TENM2: variants seen among roughly 807,000 people sequenced by gnomAD.
TENM2 encodes teneurin transmembrane protein 2, also known as teneurin-2.
Under a neutral mutation model 245.2 loss-of-function variants are expected in TENM2, and 52 were observed. The ratio of observed to expected loss-of-function variants is 0.21; its 90% CI spans 0.17 to 0.27. The LOEUF (loss-of-function observed/expected upper bound fraction) is 0.27. Ranked by LOEUF, TENM2 falls within the 10% of genes least tolerant of loss-of-function variation. TENM2 has a pLI of 1.00. For synonymous variants in TENM2, 1,363 were observed against 1,438.9 expected (o/e 0.95, Z 1.19); for missense variants, 3,046 against 3,666.8 (o/e 0.83, Z 4.37).
the TENM2 span, among the ~76,000 whole-genome samples, chr5:167,151,305 C>T: frequency 6.6e-6 from 1 of 151,926 alleles, no homozygotes; most frequent in South Asian, 2.1e-4. Flanking sequence ...TAGCAAGGTG[C>T]CCATTGAGTA....
At chr5:167,538,532 T>A (rs891164559) in intron 2 of TENM2, among the ~76,000 whole-genome samples, 5 of 152,226 alleles carry the variant, frequency 3.3e-5, no homozygotes, top group African/African-American at 9.6e-5. Flanking sequence ...AAGGGTAATG[T>A]CTGCCAGACT....
intron 15 of TENM2, among the ~76,000 whole-genome samples, chr5:168,195,776 G>C (rs1348225141): frequency 1.3e-5 from 2 of 151,894 alleles, no homozygotes; most frequent in South Asian, 2.1e-4. Flanking sequence ...TGTTGTTTTC[G>C]CTACTGTTTG....
chr5:168,103,220 G>A lies in TENM2; in HGVS notation c.1813+5093G>A, dbSNP rs141063330. On this transcript the variant is annotated intron_variant, in intron 9 of 28. Coordinates refer to ENST00000518659, the Ensembl canonical transcript of TENM2. ...CCCACTACAATTTTGTAAACATTTT[G>A]TATTGAAATCATTTGGGACTTGCAG... Among the ~76,000 whole-genome samples the A allele has an allele frequency of 4.5e-3, 682 of 152,270 alleles. 7 individuals carry two copies. The highest frequency in any genetic ancestry group is 0.016 in the African/African-American group (649 of 41,548).
intron 2 of TENM2, among the ~76,000 whole-genome samples, chr5:167,640,846 TATATATATATATCC>T (rs1252444898): frequency 1.4e-4 from 13 of 92,562 alleles, no homozygotes; most frequent in African/African-American, 2.1e-4. Flanking sequence ...TATATCCATA[TATATATATATATCC>T]ATATATATAT....
intron 2 of TENM2, among the ~76,000 whole-genome samples, chr5:167,513,880 C>T (rs1030887612): frequency 2.6e-5 from 4 of 152,148 alleles, no homozygotes; most frequent in African/African-American, 7.2e-5. Context: ...GACTAAGACC[C>T]CATTCTCCTG....
intron 7 of TENM2, among the ~76,000 whole-genome samples, chr5:168,073,178 C>T (rs1428678176): frequency 1.3e-5 from 2 of 152,190 alleles, no homozygotes; most frequent in Non-Finnish European, 2.9e-5. Context: ...TACCGTATGT[C>T]ATTTACATGA....
the TENM2 span, among the ~76,000 whole-genome samples, chr5:167,142,038 C>T: frequency 6.6e-6 from 1 of 151,996 alleles, no homozygotes; most frequent in African/African-American, 2.4e-5. Context: ...GGGGATGAAA[C>T]CATATTAACA....
the TENM2 span, among the ~76,000 whole-genome samples, chr5:167,030,260 G>A: frequency 2.6e-5 from 4 of 152,148 alleles, no homozygotes; most frequent in Non-Finnish European, 5.9e-5. Context: ...TTGATATGTG[G>A]AGTTTTTGTT....
At chr5:167,625,980 G>T (rs1025991344) in intron 2 of TENM2, among the ~76,000 whole-genome samples, 1 of 152,120 alleles carries the variant, frequency 6.6e-6, no homozygotes, top group Admixed American at 6.5e-5. Context: ...GAGAAAAGAA[G>T]AAGACATCTC....
intron 2 of TENM2, among the ~76,000 whole-genome samples, chr5:167,663,142 GA>G (rs1447791112): frequency 8.1e-4 from 15 of 18,502 alleles, no homozygotes; most frequent in East Asian, 7.4e-3. Flanking sequence ...TGGGGATGGG[GA>G]GAGAGAGAGA....
chr5:168,155,892 T>TAAAAAAAAAAAAAAAAAA (rs55977607), intron 12 of TENM2, among the ~76,000 whole-genome samples: 4 of 96,936 alleles, frequency 4.1e-5, no homozygotes, highest in African/African-American at 1.4e-4. Context: ...CTGGCATCTG[T>TAAAAAAAAAAAAAAAAAA]AAAAAAAAAA....
chr5:167,914,568 C>T (rs1207892895), intron 3 of TENM2, among the ~76,000 whole-genome samples: 1 of 152,196 alleles, frequency 6.6e-6, no homozygotes, highest in East Asian at 1.9e-4. Flanking sequence ...TTCATTCCCC[C>T]TGGCCATCTC....
intron 2 of TENM2, among the ~76,000 whole-genome samples, chr5:167,693,082 A>G (rs867557733): frequency 3.3e-5 from 5 of 152,350 alleles, no homozygotes; most frequent in Middle Eastern, 6.8e-3. Flanking sequence ...TTCATCTGTA[A>G]TTAGGAATGC....
In TENM2 at chr5:167,911,064, A is replaced by G. The variant is rs544181023; in HGVS notation, c.712+34869A>G. The stretch of plus-strand genomic sequence containing the variant: ...AGAAGATTTGATGTTTTTTTCAACT[A>G]CAACAATCTCAAGAATTAAGAGTAA... On this transcript the variant is annotated intron_variant, in intron 3 of 28. Coordinates refer to ENST00000518659, the Ensembl canonical transcript of TENM2. 5.3e-5 allele frequency among the ~76,000 whole-genome samples: 8 copies of G among 152,348 alleles called. No homozygotes were observed. The South Asian group carries it at 1.4e-3, about 28-fold the overall frequency.
intron 2 of TENM2, among the ~76,000 whole-genome samples, chr5:167,550,349 A>G (rs534179574): frequency 6.4e-4 from 98 of 152,308 alleles, no homozygotes; most frequent in Non-Finnish European, 1.1e-3. Context: ...GCTGATTTAC[A>G]TTAGTGCCAG....
chr5:168,065,260 G>T (rs1416020735), intron 7 of TENM2, among the ~76,000 whole-genome samples: 1 of 152,154 alleles, frequency 6.6e-6, no homozygotes, highest in Non-Finnish European at 1.5e-5. Context: ...TTACATACCT[G>T]CTTAAATTTC....
At chr5:167,840,101 G>A (rs1200662057) in intron 2 of TENM2, among the ~76,000 whole-genome samples, 13 of 152,196 alleles carry the variant, frequency 8.5e-5, no homozygotes, top group African/African-American at 2.4e-4. Flanking sequence ...GATTACAGGC[G>A]TGAGCCACCA....
rs145171683 is a variant in TENM2 at position 167,776,150 on chromosome 5, G to GAA, written c.503-99828_503-99827dup. ...AATTATGATTGTGGTCCTGTGAAAGGAAAAAAAAATCCACACACACACACA... is the reference window on the plus strand; with the variant it reads ...AATTATGATTGTGGTCCTGTGAAAGGAAAAAAAAAAATCCACACACACACACA... On this transcript the variant is annotated intron_variant, in intron 2 of 28. Coordinates refer to ENST00000518659, the Ensembl canonical transcript of TENM2. Among the ~76,000 whole-genome samples, 826 of 141,504 alleles carry GAA rather than the reference G, an allele frequency of 5.8e-3. 12 individuals carry two copies. The highest frequency in any genetic ancestry group is 0.018 in the African/African-American group (680 of 37,462). 92.8% of individuals were successfully genotyped at this position (141,504 alleles called of 152,430 possible).
chr5:167,993,745 A>G (rs1783845289), intron 5 of TENM2, among the ~76,000 whole-genome samples: 2 of 152,152 alleles, frequency 1.3e-5, no homozygotes, highest in African/African-American at 4.8e-5. Flanking sequence ...GGCCTTGCCC[A>G]TATCCCTTCC....
Sources: gnomAD v4.1 joint callset for allele counts (sites outside exome capture counted in the v4.1 genomes callset) on GRCh38, gnomAD v4.1.1 for gene constraint, MANE v1.5 for transcripts, NCBI Gene and HGNC (gene_info 2026-07-23, HGNC 2026-07-21) for gene names.